Variants in HDAC9 observed in about 807,000 individuals in gnomAD.
HDAC9 encodes the protein MEF-2 interacting transcription repressor (MITR) protein.
HDAC9 carries 41 observed loss-of-function variants against 139.4 expected under a neutral mutation model. The observed-to-expected ratio is 0.29, with a 90% CI of 0.23 to 0.38. The LOEUF (loss-of-function observed/expected upper bound fraction) is 0.38, where lower values mean the gene tolerates loss of function less well. Ranked by LOEUF, HDAC9 falls within the 10% of genes least tolerant of loss-of-function variation. The pLI is 1.00. For synonymous variants in HDAC9, 517 were observed against 476.2 expected (o/e 1.09, Z -1.12); for missense variants, 1,147 against 1,297.0 (o/e 0.88, Z 1.78).
chr7:18,945,221 A>G (rs1045330795), intron 23 of HDAC9, among the ~76,000 whole-genome samples: 2 of 152,182 alleles, frequency 1.3e-5, no homozygotes, highest in Admixed American at 6.5e-5. Flanking sequence ...AATCTTAGCC[A>G]TTCTGTTGGA....
At chr7:18,374,298 G>C (rs1239315902) in intron 1 of HDAC9, among the ~76,000 whole-genome samples, 1 of 150,820 alleles carries the variant, frequency 6.6e-6, no homozygotes, top group African/African-American at 2.4e-5. Context: ...ATATAGTTTT[G>C]AATGTATACA....
intron 16 of HDAC9, among the ~76,000 whole-genome samples, chr7:18,785,466 A>G (rs1791632901): frequency 6.6e-6 from 1 of 152,094 alleles, no homozygotes; most frequent in African/African-American, 2.4e-5. Flanking sequence ...CCTTAGATGC[A>G]AAATCACTGT....
chr7:18,387,272 A>G (rs887440040), intron 1 of HDAC9, among the ~76,000 whole-genome samples: 2 of 152,064 alleles, frequency 1.3e-5, no homozygotes, highest in African/African-American at 4.8e-5. Flanking sequence ...TTATGTGTAG[A>G]TTTTCAGCCA....
chr7:18,389,373 T>G (rs535297234), intron 1 of HDAC9, among the ~76,000 whole-genome samples: 1 of 152,368 alleles, frequency 6.6e-6, no homozygotes, highest in Admixed American at 6.5e-5. Context: ...ACAGCAGCTC[T>G]CCTGTATTCT....
Position 18,605,971 on chromosome 7 carries a change from T to C in HDAC9, c.664+11942T>C, listed in dbSNP as rs144858357. On this transcript the variant is annotated intron_variant, in intron 6 of 25. Coordinates refer to ENST00000686413, the MANE Select transcript of HDAC9 (RefSeq NM_178425.4). ...CTGGGATTACAGGTGTGAGCCACCA[T>C]GCCTGGCTGCCCCTGGAGTTTTTAA... Among the ~76,000 whole-genome samples the C allele has an allele frequency of 1.3e-3, 205 of 152,298 alleles. 2 individuals carry two copies. The East Asian group carries it at 0.038, about 28-fold the overall frequency.
rs143844039 is a variant in HDAC9 at position 18,353,744 on chromosome 7, T to C, written c.-42+63229T>C. The stretch of plus-strand genomic sequence containing the variant: ...GAAAGATCTCGAGCTATTTTCTGCC[T>C]AAGCAGACTTTGCACCTTTGTGTTT... On this transcript the variant is annotated intron_variant, in intron 1 of 3. Transcript: ENST00000413509. Among the ~76,000 whole-genome samples, 806 of 152,320 alleles carry C rather than the reference T, an allele frequency of 5.3e-3. 12 individuals carry two copies. The highest frequency in any genetic ancestry group is 9.6e-3 in the Non-Finnish European group (651 of 68,020).
intron 2 of HDAC9, among the ~76,000 whole-genome samples, chr7:18,498,673 T>C (rs371256442): frequency 6.6e-6 from 1 of 152,026 alleles, no homozygotes; most frequent in East Asian, 1.9e-4. Context: ...AGCACTGTTC[T>C]AGGAGTCAGA....
At chr7:18,101,802 T>G (rs1782878338) in intron 1 of HDAC9, among the ~76,000 whole-genome samples, 1 of 152,226 alleles carries the variant, frequency 6.6e-6, no homozygotes, top group African/African-American at 2.4e-5. Context: ...TTGAGCATAA[T>G]AATTTACATG....
chr7:18,695,049 G>T (rs112283754), intron 12 of HDAC9, among the ~76,000 whole-genome samples: 1 of 152,112 alleles, frequency 6.6e-6, no homozygotes, highest in Admixed American at 6.5e-5. Flanking sequence ...CATGGAATTA[G>T]TAAGGACATA....
In HDAC9 at chr7:18,995,817, C is replaced by G. The variant is rs2129354594; in HGVS notation, c.3171-206C>G. Among the ~76,000 whole-genome samples the G allele has an allele frequency of 1.3e-5, 2 of 152,256 alleles. 1 individual carries two copies. The highest frequency in any genetic ancestry group is 4.1e-4 in the South Asian group (2 of 4,826). On this transcript the variant is annotated intron_variant, in intron 25 of 25. Transcript: ENST00000686413. Reference sequence around the variant, plus strand: ...TGACATGTTTTAATATAAACAGGAACATTTCCAGTGATTGCTTGGATCGAA... The same window carrying G: ...TGACATGTTTTAATATAAACAGGAAGATTTCCAGTGATTGCTTGGATCGAA...
intron 2 of HDAC9, among the ~76,000 whole-genome samples, chr7:18,579,369 C>T (rs1291369009): frequency 1.3e-5 from 2 of 152,014 alleles, no homozygotes; most frequent in Non-Finnish European, 2.9e-5. Flanking sequence ...TTTTCTGGAC[C>T]CTGAACTGCT....
chr7:18,484,656 G>A (rs1426464115), intron 1 of HDAC9, among the ~76,000 whole-genome samples: 2 of 152,000 alleles, frequency 1.3e-5, no homozygotes, highest in South Asian at 2.1e-4. Context: ...ACTAGGCCTC[G>A]GTTTTTGAAG....
At chr7:18,654,715 A>G (rs1487876603) in intron 11 of HDAC9, among the ~76,000 whole-genome samples, 1 of 152,036 alleles carries the variant, frequency 6.6e-6, no homozygotes, top group Admixed American at 6.6e-5. Flanking sequence ...AGGCAAACAA[A>G]CATTAAAAAA....
intron 1 of HDAC9, among the ~76,000 whole-genome samples, chr7:18,161,709 G>T (rs546546254): frequency 6.6e-6 from 1 of 152,264 alleles, no homozygotes; most frequent in African/African-American, 2.4e-5. Flanking sequence ...ACCTCAAGAA[G>T]AAGTGGAAAT....
rs139068932 is a variant in HDAC9, at chr7:18,123,541, G to A, written c.-97+36328G>A. On this transcript the variant is annotated intron_variant, in intron 1 of 12. Coordinates refer to the HDAC9 transcript ENST00000417496. Reference sequence around the variant, plus strand: ...AACATATATAATAATATTTCTATTGGGAAAATGCATTTGGAGTTTAGCTTG... The same window carrying A: ...AACATATATAATAATATTTCTATTGAGAAAATGCATTTGGAGTTTAGCTTG... Among the ~76,000 whole-genome samples, 573 of 152,154 alleles carry A rather than the reference G, an allele frequency of 3.8e-3. 2 individuals are homozygous for A. Among genetic ancestry groups the A allele is most frequent in the Middle Eastern group, 0.01 (3 of 294 alleles).
chr7:18,628,851 T>C (rs892860391), intron 6 of HDAC9, among the ~76,000 whole-genome samples: 3 of 152,132 alleles, frequency 2.0e-5, no homozygotes, highest in South Asian at 2.1e-4. Context: ...CAAAGAAATA[T>C]TCCAGGAGTC....
chr7:18,442,901 A>G (rs943200761), intron 1 of HDAC9, among the ~76,000 whole-genome samples: 35 of 152,210 alleles, frequency 2.3e-4, no homozygotes, highest in Admixed American at 1.7e-3. Flanking sequence ...TTGTGAGTCT[A>G]ATAAGATCAC....
chr7:18,230,247 A>G (rs950289680), intron 2 of HDAC9, among the ~76,000 whole-genome samples: 6 of 152,204 alleles, frequency 3.9e-5, no homozygotes, highest in African/African-American at 1.4e-4. Context: ...CAGCTACATA[A>G]TTTATAGTGC....
chr7:18,464,696 A>G (rs1309487093), intron 1 of HDAC9, among the ~76,000 whole-genome samples: 1 of 152,074 alleles, frequency 6.6e-6, no homozygotes, highest in Admixed American at 6.6e-5. Flanking sequence ...TGGGATTGAA[A>G]TGATTCAAGT....
Sources: gnomAD v4.1 joint callset for allele counts (sites outside exome capture counted in the v4.1 genomes callset) on GRCh38, gnomAD v4.1.1 for gene constraint, MANE v1.5 for transcripts, NCBI Gene and HGNC (gene_info 2026-07-23, HGNC 2026-07-21) for gene names.